The following FGF2 variants were observed in gnomAD, a reference collection of about 807,000 sequenced individuals.
The protein encoded by FGF2 is basic fibroblast growth factor bFGF.
A neutral mutation model predicts 15.9 loss-of-function variants in FGF2; 13 were observed. That is an observed-to-expected ratio of 0.82 (90% CI 0.53 to 1.30). The LOEUF is 1.30. Among genes scored for constraint, FGF2 ranks in the 50% most tolerant of loss-of-function variants. The pLI, the probability that FGF2 is intolerant of heterozygous loss-of-function variation, is 0.00. For synonymous variants in FGF2, 90 were observed against 78.4 expected, an observed-to-expected ratio of 1.15 and a Z score of -0.78; for missense variants, 163 against 196.9, an observed-to-expected ratio of 0.83 and a Z score of 1.03.
rs749867177 is a variant in FGF2, at chr4:122,892,508, TCAAA to T, written c.*116_*119del. On this transcript the variant is annotated 3_prime_UTR_variant, in exon 3 of 3. Coordinates refer to ENST00000644866, the MANE Select transcript of FGF2 (RefSeq NM_001361665.2). ...TGTATAGCTCAGTTTGGATAATTGG[TCAAA>T]CAATTTTTTATCCAGTAGTAAAATA... 3.0e-5 allele frequency: 47 copies of T among 1,541,580 alleles called. No homozygotes were observed. In the African/African-American group the frequency reaches 4.6e-4, roughly 15 times the overall value.
intron 1 of FGF2, among the ~76,000 whole-genome samples, chr4:122,839,275 G>A (rs1725927561): frequency 6.6e-6 from 1 of 152,116 alleles, no homozygotes. Flanking sequence ...CTGTCATAAA[G>A]ATAACTAAAA....
intron 1 of FGF2, among the ~76,000 whole-genome samples, chr4:122,870,751 G>A (rs995762405): frequency 6.6e-6 from 1 of 151,566 alleles, no homozygotes; most frequent in Non-Finnish European, 1.5e-5. Context: ...GGTCTAATTT[G>A]TTAATCTTTT....
chr4:122,861,758 A>G (rs1294287911), intron 1 of FGF2, among the ~76,000 whole-genome samples: 1 of 151,936 alleles, frequency 6.6e-6, no homozygotes, highest in Admixed American at 6.6e-5. Context: ...CTTCCACAAC[A>G]CACACATACA....
chr4:122,860,447 CTTTTTTTTTTTTTT>C (rs34541038), intron 1 of FGF2, among the ~76,000 whole-genome samples: 1 of 90,918 alleles, frequency 1.1e-5, no homozygotes, highest in African/African-American at 4.1e-5. Context: ...CTAAGGTTAA[CTTTTTTTTTTTTTT>C]TTTTTTTTTT....
intron 2 of FGF2, among the ~76,000 whole-genome samples, chr4:122,891,231 G>A (rs1303242710): frequency 6.6e-6 from 1 of 151,288 alleles, no homozygotes; most frequent in African/African-American, 2.4e-5. Flanking sequence ...TAGTAGAAAC[G>A]GGGTTTCACC....
intron 2 of FGF2, among the ~76,000 whole-genome samples, chr4:122,883,644 A>G (rs1452212992): frequency 6.6e-6 from 1 of 152,192 alleles, no homozygotes; most frequent in Admixed American, 6.5e-5. Flanking sequence ...TTTTAAGAAA[A>G]TTGCATAAAG....
intron 2 of FGF2, among the ~76,000 whole-genome samples, chr4:122,886,826 A>C (rs929846508): frequency 6.6e-6 from 1 of 152,082 alleles, no homozygotes; most frequent in Non-Finnish European, 1.5e-5. Flanking sequence ...CATTTCTCCA[A>C]AGAGCATTGG....
At chr4:122,861,992 A>ATACT (rs1270474902) in intron 1 of FGF2, among the ~76,000 whole-genome samples, 3 of 152,140 alleles carry the variant, frequency 2.0e-5, no homozygotes, top group Non-Finnish European at 4.4e-5. Context: ...CTCTCAAAGT[A>ATACT]GCCTGTGTAT....
chr4:122,846,991 C>T (rs1726126070), intron 1 of FGF2, among the ~76,000 whole-genome samples: 1 of 152,204 alleles, frequency 6.6e-6, no homozygotes, highest in Non-Finnish European at 1.5e-5. Context: ...TGTGCCCGCG[C>T]ATTACAAGGG....
At chr4:122,830,731 T>C (rs1310322225) in intron 1 of FGF2, among the ~76,000 whole-genome samples, 2 of 139,438 alleles carry the variant, frequency 1.4e-5, no homozygotes, top group African/African-American at 5.3e-5. Context: ...AAGCAGCACG[T>C]ACAACATGTG....
intron 1 of FGF2, among the ~76,000 whole-genome samples, chr4:122,849,542 T>G (rs903665716): frequency 5.3e-5 from 8 of 151,988 alleles, no homozygotes; most frequent in Non-Finnish European, 1.2e-4. Flanking sequence ...ATGGCACGTG[T>G]ATACCTGTGT....
At chr4:122,874,720 G>T (rs566105696) in intron 1 of FGF2, among the ~76,000 whole-genome samples, 1 of 151,842 alleles carries the variant, frequency 6.6e-6, no homozygotes. Flanking sequence ...TGCTGTCTTG[G>T]TAGGAAAAAT....
intron 1 of FGF2, among the ~76,000 whole-genome samples, chr4:122,850,056 G>GT: frequency 6.6e-6 from 1 of 152,300 alleles, no homozygotes; most frequent in East Asian, 1.9e-4. Context: ...GAGCTCAGGA[G>GT]TTTGAGACCA....
intron 1 of FGF2, among the ~76,000 whole-genome samples, chr4:122,835,185 A>G (rs1560736139): frequency 1.3e-5 from 2 of 152,128 alleles, no homozygotes; most frequent in East Asian, 1.9e-4. Context: ...TTTGAGTACT[A>G]ACTCTATCTC....
At chr4:122,864,998 A>G (rs1450603336) in intron 1 of FGF2, among the ~76,000 whole-genome samples, 1 of 152,232 alleles carries the variant, frequency 6.6e-6, no homozygotes, top group Non-Finnish European at 1.5e-5. Flanking sequence ...TTATCTCATT[A>G]TCCCCAAATA....
intron 2 of FGF2, among the ~76,000 whole-genome samples, chr4:122,879,632 T>C (rs1726922430): frequency 6.6e-6 from 1 of 152,194 alleles, no homozygotes; most frequent in Non-Finnish European, 1.5e-5. Flanking sequence ...TACCAGAGAC[T>C]GGGCAATTTA....
intron 2 of FGF2, chr4:122,884,562 T>C (rs1727021018): frequency 6.6e-6 from 1 of 152,252 alleles, no homozygotes; most frequent in South Asian, 2.1e-4. Flanking sequence ...TTCTTTTTTT[T>C]CTGAAATAGT....
At chr4:122,844,515 T>C (rs1055700408) in intron 1 of FGF2, among the ~76,000 whole-genome samples, 2 of 151,982 alleles carry the variant, frequency 1.3e-5, no homozygotes, top group African/African-American at 4.8e-5. Flanking sequence ...TTCCAGAAGG[T>C]TTTCTTTCTT....
At chr4:122,891,214 G>T (rs1727178095) in intron 2 of FGF2, among the ~76,000 whole-genome samples, 1 of 151,002 alleles carries the variant, frequency 6.6e-6, no homozygotes, top group African/African-American at 2.4e-5. Context: ...CTAATTTTTT[G>T]TATTTTTAGT....
Sources: allele counts gnomAD v4.1 joint callset (sites outside exome capture counted in the v4.1 genomes callset), GRCh38; gene constraint gnomAD v4.1.1; transcripts MANE v1.5; gene names NCBI Gene and HGNC (gene_info 2026-07-23, HGNC 2026-07-21).